Variants in ZNF385B observed in about 807,000 individuals in gnomAD.
ZNF385B encodes the protein zinc finger protein 533.
ZNF385B carries 23 observed loss-of-function variants against 39.2 expected under a neutral mutation model. That is an observed-to-expected ratio of 0.59 (90% confidence interval 0.42 to 0.83). ZNF385B has a LOEUF of 0.83. Among genes scored for constraint, ZNF385B ranks in the 40% least tolerant of loss-of-function variants. The pLI is 0.00. For synonymous variants in ZNF385B, 205 were observed against 222.6 expected, an observed-to-expected ratio of 0.92 and a Z score of 0.70; for missense variants, 552 against 598.9, an observed-to-expected ratio of 0.92 and a Z score of 0.82.
At chr2:179,462,892 A>G (rs1304462990) in intron 6 of ZNF385B, among the ~76,000 whole-genome samples, 1 of 152,136 alleles carries the variant, frequency 6.6e-6, no homozygotes, top group African/African-American at 2.4e-5. Context: ...TGAACGCACT[A>G]TTTAAAAGAT....
chr2:179,811,287 A>T (rs1177040778), intron 1 of ZNF385B, among the ~76,000 whole-genome samples: 1 of 152,178 alleles, frequency 6.6e-6, no homozygotes, highest in Non-Finnish European at 1.5e-5. Context: ...ATCATTTTTC[A>T]CAGAACTAAA....
At chr2:179,561,331 A>G (rs2061324776) in intron 3 of ZNF385B, among the ~76,000 whole-genome samples, 1 of 152,166 alleles carries the variant, frequency 6.6e-6, no homozygotes, top group Admixed American at 6.6e-5. Context: ...AACTAAACTG[A>G]GCAATATTGT....
chr2:179,729,615 G>C lies in ZNF385B; in HGVS notation c.298+39888C>G, dbSNP rs572817755. 2.0e-5 allele frequency among the ~76,000 whole-genome samples: 3 copies of C among 152,168 alleles called. No individual in the cohort carries two copies. The East Asian group carries it at 5.8e-4, about 29-fold the overall frequency. On this transcript the variant is annotated intron_variant, in intron 3 of 9. Coordinates refer to ENST00000410066, the MANE Select transcript of ZNF385B (RefSeq NM_152520.6). Reference sequence around the variant, plus strand: ...TCACCAATTTTGTAAATATTCCAAGGGTCACATTACTATTAGTTTTCAGGA... The same window carrying C: ...TCACCAATTTTGTAAATATTCCAAGCGTCACATTACTATTAGTTTTCAGGA...
chr2:179,582,835 G>T (rs1215639597), intron 3 of ZNF385B, among the ~76,000 whole-genome samples: 1 of 152,064 alleles, frequency 6.6e-6, no homozygotes, highest in Non-Finnish European at 1.5e-5. Context: ...TTGTCATTAA[G>T]AAACCAATAT....
At chr2:179,674,138 A>G (rs1036212861) in intron 3 of ZNF385B, among the ~76,000 whole-genome samples, 1 of 152,126 alleles carries the variant, frequency 6.6e-6, no homozygotes, top group South Asian at 2.1e-4. Flanking sequence ...CATTCCTTTG[A>G]AAAAAAGTAT....
chr2:179,581,396 A>AT (rs1184005859), intron 3 of ZNF385B, among the ~76,000 whole-genome samples: 1 of 152,180 alleles, frequency 6.6e-6, no homozygotes, highest in African/African-American at 2.4e-5. Flanking sequence ...AGAAGATCTT[A>AT]TTTTTTGTAA....
chr2:179,857,198 A>G (rs1469173284), intron 1 of ZNF385B, among the ~76,000 whole-genome samples: 1 of 152,244 alleles, frequency 6.6e-6, no homozygotes, highest in Non-Finnish European at 1.5e-5. Flanking sequence ...ACAAATTGGT[A>G]CTACAGAACT....
intron 3 of ZNF385B, among the ~76,000 whole-genome samples, chr2:179,761,549 G>T (rs1470367204): frequency 2.0e-5 from 3 of 150,924 alleles, no homozygotes; most frequent in African/African-American, 4.8e-5. Context: ...ATTTCCATAT[G>T]TTCATTTTTA....
At chr2:179,804,595 A>G (rs563095545) in intron 1 of ZNF385B, among the ~76,000 whole-genome samples, 87 of 152,280 alleles carry the variant, frequency 5.7e-4, no homozygotes, top group African/African-American at 2.0e-3. Context: ...ACCTATCTGT[A>G]CCTCAGTTTC....
intron 6 of ZNF385B, among the ~76,000 whole-genome samples, chr2:179,456,628 G>A (rs915296131): frequency 2.0e-5 from 3 of 152,080 alleles, no homozygotes; most frequent in Non-Finnish European, 4.4e-5. Flanking sequence ...TAAGTTGGTT[G>A]AACCATTGTT....
At position 179,459,621 on chromosome 2, in the gene ZNF385B, G is replaced by A. The variant is rs577393012; in HGVS notation, c.716-12851C>T. Among the ~76,000 whole-genome samples the A allele has an allele frequency of 4.7e-3, 686 of 147,014 alleles. 7 individuals are homozygous for A. Among genetic ancestry groups the A allele is most frequent in the African/African-American group, 0.015 (609 of 39,750 alleles). On this transcript the variant is annotated intron_variant, in intron 6 of 9. Transcript: ENST00000410066. ...TGTGTGTGTGTGTGTGTGTGTATGT[G>A]TGTGTGGATTTATATATACAAATGT...
chr2:179,521,647 C>T (rs556993950), intron 4 of ZNF385B, among the ~76,000 whole-genome samples: 47 of 152,196 alleles, frequency 3.1e-4, no homozygotes, highest in African/African-American at 1.1e-3. Context: ...AGTTTCCATC[C>T]ATCTGCTCTC....
rs142344102 is a variant in ZNF385B at position 179,693,419 on chromosome 2, T to A, written c.298+76084A>T. On this transcript the variant is annotated intron_variant, in intron 3 of 9. Transcript: ENST00000410066. ...CTCTAAATATATGAATAGAGAAATA[T>A]GAATTATGATCTTCTATTCCTACTG... Among the ~76,000 whole-genome samples, 1,003 of 152,294 alleles carry A rather than the reference T, an allele frequency of 6.6e-3. 10 individuals carry two copies. The highest frequency in any genetic ancestry group is 0.022 in the African/African-American group (935 of 41,558).
intron 6 of ZNF385B, among the ~76,000 whole-genome samples, chr2:179,455,430 C>T (rs2050580377): frequency 6.6e-6 from 1 of 151,986 alleles, no homozygotes; most frequent in South Asian, 2.1e-4. Flanking sequence ...CTCATGAGAT[C>T]TGATGGTTTC....
At position 179,717,609 on chromosome 2, in the gene ZNF385B, G is replaced by A. The variant is rs191994461; in HGVS notation, c.298+51894C>T. On this transcript the variant is annotated intron_variant, in intron 3 of 9. Transcript: ENST00000410066. ...AAGCTAGCCAGGCTAGGTGGTACACGCCTGTAGTCCCAGCTATTAAGAGGT... is the reference window on the plus strand; with the variant it reads ...AAGCTAGCCAGGCTAGGTGGTACACACCTGTAGTCCCAGCTATTAAGAGGT... 8.5e-5 allele frequency among the ~76,000 whole-genome samples: 13 copies of A among 152,234 alleles called. No homozygotes were observed. The East Asian group carries it at 9.7e-4, about 11-fold the overall frequency.
intron 5 of ZNF385B, among the ~76,000 whole-genome samples, chr2:179,502,986 C>T (rs1245858405): frequency 1.3e-5 from 2 of 152,104 alleles, no homozygotes; most frequent in Non-Finnish European, 2.9e-5. Flanking sequence ...GCAATCTCCC[C>T]ACCTCAGCCT....
At chr2:179,464,328 GC>G (rs1203402124) in intron 6 of ZNF385B, among the ~76,000 whole-genome samples, 1 of 152,226 alleles carries the variant, frequency 6.6e-6, no homozygotes, top group East Asian at 1.9e-4. Context: ...AGTTTCTTTT[GC>G]TGTGCAGAAG....
chr2:179,781,893 A>G (rs1704687022), intron 1 of ZNF385B, among the ~76,000 whole-genome samples: 1 of 152,190 alleles, frequency 6.6e-6, no homozygotes, highest in Non-Finnish European at 1.5e-5. Flanking sequence ...GCCAAATTCT[A>G]CCAGATATAC....
chr2:179,533,567 T>C (rs1310971743), intron 4 of ZNF385B, among the ~76,000 whole-genome samples: 1 of 152,108 alleles, frequency 6.6e-6, no homozygotes, highest in East Asian at 1.9e-4. Flanking sequence ...AAGGGGGTCC[T>C]TTTCATGTGA....
Sources: gnomAD v4.1 joint callset for allele counts (sites outside exome capture counted in the v4.1 genomes callset) on GRCh38, gnomAD v4.1.1 for gene constraint, MANE v1.5 for transcripts, NCBI Gene and HGNC (gene_info 2026-07-23, HGNC 2026-07-21) for gene names.